EFNA5: variants seen among roughly 807,000 people sequenced by gnomAD.
EFNA5 encodes ephrin A5.
In EFNA5, 5 loss-of-function variants were observed where a neutral mutation model predicts 22.9. The ratio of observed to expected loss-of-function variants is 0.22; its 90% CI spans 0.11 to 0.46. EFNA5 has a LOEUF of 0.46. EFNA5 is among the 20% of genes least tolerant of loss of function. The pLI is 0.99. For synonymous variants in EFNA5, 113 were observed against 112.2 expected (o/e 1.01, Z -0.04); for missense variants, 237 against 293.3 (o/e 0.81, Z 1.40).
rs1360335806 is a variant in EFNA5 at position 107,618,221 on chromosome 5, GA to G, written c.125+52267del. Among the ~76,000 whole-genome samples, 5 of 152,292 alleles carry G rather than the reference GA, an allele frequency of 3.3e-5. No individual in the cohort carries two copies. The East Asian group carries it at 9.6e-4, about 29-fold the overall frequency. ...CTTTTGAAAAAGTAAGGCCAAAGAA[GA>G]AATATTTGAGGCTTTCAGTGCTAAT... On this transcript the variant is annotated intron_variant, in intron 1 of 4. Transcript: ENST00000333274.
At chr5:107,590,304 T>C (rs778657632) in intron 1 of EFNA5, among the ~76,000 whole-genome samples, 1 of 152,204 alleles carries the variant, frequency 6.6e-6, no homozygotes. Flanking sequence ...AATAACATTC[T>C]TGGAATGCTT....
chr5:107,670,072 G>A (rs1255728982), intron 1 of EFNA5, among the ~76,000 whole-genome samples: 2 of 150,578 alleles, frequency 1.3e-5, no homozygotes, highest in South Asian at 2.1e-4. Flanking sequence ...GGGATGTTTG[G>A]CGGGTTCTCT....
intron 2 of EFNA5, among the ~76,000 whole-genome samples, chr5:107,393,842 T>C (rs1018374343): frequency 6.6e-6 from 1 of 152,206 alleles, no homozygotes; most frequent in Non-Finnish European, 1.5e-5. Flanking sequence ...CTACTGGAAA[T>C]ATCTCCTAGA....
At chr5:107,530,849 A>G (rs1747795760) in intron 1 of EFNA5, among the ~76,000 whole-genome samples, 1 of 152,186 alleles carries the variant, frequency 6.6e-6, no homozygotes, top group African/African-American at 2.4e-5. Context: ...GGCATACAGT[A>G]GGCACCTGAT....
chr5:107,505,427 G>A (rs534529678), intron 1 of EFNA5, among the ~76,000 whole-genome samples: 31 of 152,030 alleles, frequency 2.0e-4, no homozygotes, highest in African/African-American at 7.5e-4. Flanking sequence ...ATTGCCTAGG[G>A]CATGCTATAT....
rs77671821 is a variant in EFNA5, at chr5:107,437,675, C to T, written c.126-10166G>A. Among the ~76,000 whole-genome samples, 801 of 152,126 alleles carry T rather than the reference C, an allele frequency of 5.3e-3. 7 individuals carry two copies. Among genetic ancestry groups the T allele is most frequent in the African/African-American group, 0.018 (735 of 41,478 alleles). On this transcript the variant is annotated intron_variant, in intron 1 of 4. Coordinates refer to ENST00000333274, the MANE Select transcript of EFNA5 (RefSeq NM_001962.3). ...TTAGCACCATGTTTGCACATAGTAG[C>T]GACTACATAGATGTTCGATGAAGAG...
intron 1 of EFNA5, among the ~76,000 whole-genome samples, chr5:107,595,019 C>A (rs1389351846): frequency 2.0e-5 from 3 of 151,504 alleles, no homozygotes; most frequent in Non-Finnish European, 4.4e-5. Context: ...GGCTGGATTA[C>A]AAGAAAAAAC....
rs144268549 is a variant in EFNA5 at position 107,488,202 on chromosome 5, C to T, written c.126-60693G>A. ...GCTAAAAGCAGCTAGAAATACTAACCGCTGTATACAAATGTTATCTTATCC... is the reference window on the plus strand; with the variant it reads ...GCTAAAAGCAGCTAGAAATACTAACTGCTGTATACAAATGTTATCTTATCC... On this transcript the variant is annotated intron_variant, in intron 1 of 4. Transcript: ENST00000333274. Among the ~76,000 whole-genome samples, 857 of 152,260 alleles carry T rather than the reference C, an allele frequency of 5.6e-3. 6 individuals are homozygous for T. The highest frequency in any genetic ancestry group is 0.024 in the Middle Eastern group (7 of 292).
At chr5:107,550,637 G>A (rs1185963925) in intron 1 of EFNA5, among the ~76,000 whole-genome samples, 4 of 152,144 alleles carry the variant, frequency 2.6e-5, no homozygotes, top group African/African-American at 9.7e-5. Flanking sequence ...GAAATAAAAT[G>A]TATGCACTTT....
intron 1 of EFNA5, among the ~76,000 whole-genome samples, chr5:107,481,822 C>G (rs1190586630): frequency 1.4e-5 from 2 of 146,166 alleles, no homozygotes; most frequent in African/African-American, 5.2e-5. Flanking sequence ...TGCACTGCAG[C>G]CTGGGTGGTA....
chr5:107,630,902 C>T (rs1350967061), intron 1 of EFNA5, among the ~76,000 whole-genome samples: 2 of 152,062 alleles, frequency 1.3e-5, no homozygotes, highest in African/African-American at 4.8e-5. Context: ...CATAAACTCA[C>T]ATATCAGCCT....
chr5:107,655,290 T>G (rs370507852), intron 1 of EFNA5, among the ~76,000 whole-genome samples: 3 of 152,242 alleles, frequency 2.0e-5, no homozygotes, highest in East Asian at 1.9e-4. Flanking sequence ...GCTCATTCCC[T>G]TGACAAATTT....
At chr5:107,514,452 C>G (rs1222651601) in intron 1 of EFNA5, among the ~76,000 whole-genome samples, 1 of 152,126 alleles carries the variant, frequency 6.6e-6, no homozygotes, top group Non-Finnish European at 1.5e-5. Flanking sequence ...CTGTGGTAGG[C>G]AGAGAACACA....
At chr5:107,511,184 G>A (rs1048213111) in intron 1 of EFNA5, among the ~76,000 whole-genome samples, 5 of 152,024 alleles carry the variant, frequency 3.3e-5, no homozygotes, top group Admixed American at 2.0e-4. Context: ...GCGCCACCAC[G>A]CCTGGCTAAT....
chr5:107,495,591 T>C (rs1234509530), intron 1 of EFNA5, among the ~76,000 whole-genome samples: 1 of 152,172 alleles, frequency 6.6e-6, no homozygotes, highest in East Asian at 1.9e-4. Context: ...CAAATATCTA[T>C]TGACTCCACA....
intron 1 of EFNA5, among the ~76,000 whole-genome samples, chr5:107,472,622 G>C (rs1750169139): frequency 6.6e-6 from 1 of 152,202 alleles, no homozygotes; most frequent in Non-Finnish European, 1.5e-5. Context: ...CATGCTTCAG[G>C]TGATGGGATA....
chr5:107,493,637 G>A (rs1456378339), intron 1 of EFNA5, among the ~76,000 whole-genome samples: 1 of 152,216 alleles, frequency 6.6e-6, no homozygotes, highest in Non-Finnish European at 1.5e-5. Flanking sequence ...CTAAGTGGCA[G>A]GAGAATATTA....
At chr5:107,438,893 C>G (rs1403432825) in intron 1 of EFNA5, among the ~76,000 whole-genome samples, 1 of 152,174 alleles carries the variant, frequency 6.6e-6, no homozygotes. Flanking sequence ...CTTTTGAGGT[C>G]CTCCCTGCAA....
chr5:107,403,409 A>G (rs252807), intron 2 of EFNA5, among the ~76,000 whole-genome samples: 2 of 151,992 alleles, frequency 1.3e-5, no homozygotes, highest in South Asian at 2.1e-4. Flanking sequence ...TACTTTCAGT[A>G]TCCAAGCATC....
Sources: gnomAD v4.1 joint callset for allele counts (sites outside exome capture counted in the v4.1 genomes callset) on GRCh38, gnomAD v4.1.1 for gene constraint, MANE v1.5 for transcripts, NCBI Gene and HGNC (gene_info 2026-07-23, HGNC 2026-07-21) for gene names.